The following STIM2 variants were observed in gnomAD, a reference collection of about 807,000 sequenced individuals.
STIM2 encodes stromal interaction molecule 2.
STIM2 carries 31 observed loss-of-function variants against 85.8 expected under a neutral mutation model. The ratio of observed to expected loss-of-function variants is 0.36; its 90% CI spans 0.27 to 0.49. The LOEUF is 0.49. Ranked by LOEUF, STIM2 falls within the 20% of genes least tolerant of loss-of-function variation. The pLI is 0.98. For missense variants in STIM2, 841 were observed against 927.6 expected, an observed-to-expected ratio of 0.91 and a Z score of 1.21; for synonymous variants, 356 against 331.1, an observed-to-expected ratio of 1.08 and a Z score of -0.82.
chr4:26,920,935 G>A (rs187064779), intron 2 of STIM2, among the ~76,000 whole-genome samples: 29 of 152,262 alleles, frequency 1.9e-4, no homozygotes, highest in Admixed American at 1.1e-3. Context: ...TCTGCAAAGG[G>A]CCAAGATATG....
intron 3 of STIM2, among the ~76,000 whole-genome samples, chr4:26,994,612 T>G (rs1355630898): frequency 6.6e-6 from 1 of 152,092 alleles, no homozygotes; most frequent in East Asian, 1.9e-4. Context: ...AAAAGATTAT[T>G]CCCCTTCTTT....
chr4:26,999,024 A>G (rs1236492159), intron 4 of STIM2, among the ~76,000 whole-genome samples: 2 of 152,144 alleles, frequency 1.3e-5, no homozygotes, highest in Admixed American at 1.3e-4. Context: ...AATTATTAAC[A>G]TACAGGAGTC....
At chr4:27,007,084 C>T (rs996335922) in intron 7 of STIM2, among the ~76,000 whole-genome samples, 1 of 152,154 alleles carries the variant, frequency 6.6e-6, no homozygotes, top group African/African-American at 2.4e-5. Flanking sequence ...CGTGTATCCA[C>T]CCAATTTTGG....
chr4:26,978,855 A>G (rs1727287426), intron 3 of STIM2, among the ~76,000 whole-genome samples: 1 of 152,178 alleles, frequency 6.6e-6, no homozygotes, highest in Admixed American at 6.5e-5. Flanking sequence ...AAACCTTGAA[A>G]GGATGCAGGG....
intron 1 of STIM2, among the ~76,000 whole-genome samples, chr4:26,912,509 A>G (rs1315407771): frequency 3.9e-5 from 6 of 152,194 alleles, no homozygotes; most frequent in African/African-American, 1.4e-4. Flanking sequence ...AATATGCCAT[A>G]TTTATTCCTC....
chr4:26,896,597 T>C (rs1252563210), intron 1 of STIM2, among the ~76,000 whole-genome samples: 1 of 152,236 alleles, frequency 6.6e-6, no homozygotes, highest in Non-Finnish European at 1.5e-5. Flanking sequence ...GTTTTATGTG[T>C]ACATTGTAAT....
chr4:26,921,031 C>A (rs118145679), intron 2 of STIM2, among the ~76,000 whole-genome samples: 1 of 152,016 alleles, frequency 6.6e-6, no homozygotes, highest in Non-Finnish European at 1.5e-5. Context: ...AAGGTCATTG[C>A]GGATGTAGTT....
At chr4:26,969,671 C>T (rs114078197) in intron 3 of STIM2, among the ~76,000 whole-genome samples, 2,047 of 152,246 alleles carry the variant, frequency 0.013, 48 homozygotes, top group African/African-American at 0.047. Context: ...TGTTGATGAC[C>T]TTAGACTGCA....
At chr4:26,956,306 T>C (rs957706913) in intron 2 of STIM2, among the ~76,000 whole-genome samples, 10 of 152,192 alleles carry the variant, frequency 6.6e-5, no homozygotes, top group African/African-American at 1.9e-4. Flanking sequence ...AGATAAGGCC[T>C]AAAAGATTCT....
At chr4:26,879,171 A>G (rs1438951074) in intron 1 of STIM2, among the ~76,000 whole-genome samples, 2 of 152,180 alleles carry the variant, frequency 1.3e-5, no homozygotes, top group African/African-American at 4.8e-5. Flanking sequence ...ACTTACCTAT[A>G]ATTCTAGTTA....
intron 1 of STIM2, among the ~76,000 whole-genome samples, chr4:26,885,764 A>G (rs559006205): frequency 8.9e-5 from 13 of 146,472 alleles, no homozygotes; most frequent in African/African-American, 3.0e-4. Flanking sequence ...AAAACTGAAA[A>G]TATAGCATTC....
chr4:27,003,496 A>G (rs1333505263), intron 7 of STIM2, among the ~76,000 whole-genome samples: 2 of 152,234 alleles, frequency 1.3e-5, no homozygotes, highest in Admixed American at 6.5e-5. Context: ...AATCCTGTTA[A>G]ATAGTTTTAG....
At chr4:26,934,856 TGAGCC>T (rs1725335946) in intron 2 of STIM2, among the ~76,000 whole-genome samples, 2 of 137,316 alleles carry the variant, frequency 1.5e-5, no homozygotes, top group Admixed American at 1.8e-4. Context: ...GAGGTTGTAG[TGAGCC>T]GAGATCGCGC....
At chr4:26,922,043 G>A (rs1410496810) in intron 2 of STIM2, among the ~76,000 whole-genome samples, 1 of 152,070 alleles carries the variant, frequency 6.6e-6, no homozygotes, top group Non-Finnish European at 1.5e-5. Context: ...TATTTGAACT[G>A]TATATTCTGT....
intron 1 of STIM2, among the ~76,000 whole-genome samples, chr4:26,882,860 T>A (rs1187690789): frequency 6.7e-6 from 1 of 148,206 alleles, no homozygotes; most frequent in Non-Finnish European, 1.5e-5. Flanking sequence ...TTTATTGAGA[T>A]GGAATCTCCC....
intron 1 of STIM2, among the ~76,000 whole-genome samples, chr4:26,884,808 T>TGG (rs1481182260): frequency 6.6e-6 from 1 of 152,172 alleles, no homozygotes; most frequent in Admixed American, 6.5e-5. Flanking sequence ...CACAAGCTTA[T>TGG]GGGGTAGATC....
In STIM2 at chr4:26,919,574, A is replaced by C. The variant is rs530840966; in HGVS notation, c.222A>C (p.Thr74=). ...GATTTAGTCTGGAAGCTCTTCAAAC[A>C]ATACATAAACAAATGGATGATGACA... Residue 74 remains threonine, a synonymous_variant, in exon 2 of 12, where the codon ACA becomes ACC. Transcript: ENST00000467087. The C allele has an allele frequency of 1.4e-5, 22 of 1,613,740 alleles. No individual in the cohort carries two copies. The highest frequency in any genetic ancestry group is 1.8e-5 in the Non-Finnish European group (21 of 1,179,742).
At chr4:26,873,895 G>C in intron 1 of STIM2, 4 of 1,360,488 alleles carry the variant, frequency 2.9e-6, no homozygotes, top group Non-Finnish European at 4.1e-6. Flanking sequence ...TCTCCCAGGG[G>C]TCTGCGGCTG....
rs567755698 is a variant in STIM2 at position 26,862,343 on chromosome 4, C to T, written c.151+974C>T. Among the ~76,000 whole-genome samples the T allele has an allele frequency of 1.8e-3, 252 of 140,550 alleles. 1 individual carries two copies. Among genetic ancestry groups the T allele is most frequent in the Non-Finnish European group, 2.7e-3 (177 of 65,350 alleles). The allele number at this position is 140,550 out of a possible 152,430, so 92.2% of individuals were successfully genotyped here. On this transcript the variant is annotated intron_variant, in intron 1 of 11. Coordinates refer to ENST00000467087, the MANE Select transcript of STIM2 (RefSeq NM_020860.4). ...GTTTTTTTTTTTTTTTTTAGTATTT[C>T]ACTTATTTTTAAAGTAGATCTGTAG...
Sources: gnomAD v4.1 joint callset for allele counts (sites outside exome capture counted in the v4.1 genomes callset) on GRCh38, gnomAD v4.1.1 for gene constraint, MANE v1.5 for transcripts, NCBI Gene and HGNC (gene_info 2026-07-23, HGNC 2026-07-21) for gene names.